The following DBH variants were observed in gnomAD, a reference collection of about 807,000 sequenced individuals.
DBH encodes dopamine beta-hydroxylase (dopamine beta-monooxygenase).
Under a neutral mutation model 64.0 loss-of-function variants are expected in DBH, and 49 were observed. The observed-to-expected ratio is 0.77, with a 90% CI of 0.61 to 0.97. The LOEUF is 0.97. DBH is among the 50% of genes least tolerant of loss of function. The pLI is 0.00. For missense variants in DBH, 828 were observed against 826.6 expected (o/e 1.00, Z -0.02); for synonymous variants, 343 against 347.1 (o/e 0.99, Z 0.13).
At chr9:133,652,560 G>A (rs986083955) in intron 8 of DBH, among the ~76,000 whole-genome samples, 2 of 152,274 alleles carry the variant, frequency 1.3e-5, no homozygotes, top group Non-Finnish European at 1.5e-5. Context: ...CCACAAACCC[G>A]AGAGTGTTTG....
chr9:133,657,479 GGAGAGA>G (rs1832347406), intron 11 of DBH, among the ~76,000 whole-genome samples: 1 of 144,854 alleles, frequency 6.9e-6, no homozygotes, highest in East Asian at 2.0e-4. Context: ...AGAGGGAGAG[GGAGAGA>G]GGAGAGAGAG....
Position 133,636,388 on chromosome 9 carries a change from G to C in DBH, c.17G>C (p.Arg6Pro). 1.9e-6 allele frequency: 3 copies of C among 1,610,080 alleles called. No homozygotes were observed. The highest frequency in any genetic ancestry group is 2.5e-6 in the Non-Finnish European group (3 of 1,179,952). MPALS[R>P]WASLPGPSMR... ...ACCCCAGCCATGCCCGCCCTCAGTCGCTGGGCCAGCCTGCCCGGCCCCAGC... is the reference window on the plus strand; with the variant it reads ...ACCCCAGCCATGCCCGCCCTCAGTCCCTGGGCCAGCCTGCCCGGCCCCAGC... The change falls in exon 1 of 12, where the codon CGC becomes CCC. Residue 6 changes from arginine to proline, a missense_variant. Transcript: ENST00000393056.
Position 133,643,654 on chromosome 9 carries a change from T to C in DBH, c.921+65T>C, listed in dbSNP as rs1377982531. The C allele has an allele frequency of 6.4e-7, 1 of 1,574,192 alleles. No individual in the cohort carries two copies. Among genetic ancestry groups the C allele is most frequent in the Non-Finnish European group, 8.7e-7 (1 of 1,151,450 alleles). On this transcript the variant is annotated intron_variant, in intron 4 of 11. Transcript: ENST00000393056. The surrounding 1 kb of genome is among the most constrained non-coding windows in gnomAD (Gnocchi z 5.3). ...GGCCCCTGGCATCCCCACACCTCTGTTTCCCCAGCTTCACCGTCTCAGAGG... is the reference window on the plus strand; with the variant it reads ...GGCCCCTGGCATCCCCACACCTCTGCTTCCCCAGCTTCACCGTCTCAGAGG...
chr9:133,642,230 C>A lies in DBH; in HGVS notation c.510C>A (p.Tyr170Ter), dbSNP rs781378927. 2 of 1,613,560 alleles carry A rather than the reference C, an allele frequency of 1.2e-6. No homozygotes were observed. Among genetic ancestry groups the A allele is most frequent in the Non-Finnish European group, 1.7e-6 (2 of 1,179,990 alleles). ...LIEDGTVHLV[Y>*]GILEEPFRSL... ...AGGACGGCACTGTCCACTTGGTCTA[C>A]GGGATCCTGGAGGAGCCGTTCCGGT... Residue 170 changes from tyrosine (Y) to a stop codon, truncating the protein, a stop_gained, in exon 3 of 12, where the codon TAC becomes TAA. Coordinates refer to ENST00000393056, the MANE Select transcript of DBH (RefSeq NM_000787.4). LOFTEE classifies it high-confidence loss of function.
chr9:133,657,473 G>A (rs1287162467), intron 11 of DBH, among the ~76,000 whole-genome samples: 2 of 144,152 alleles, frequency 1.4e-5, no homozygotes, highest in South Asian at 2.2e-4. Flanking sequence ...AGGGAGAGAG[G>A]GAGAGGGAGA....
intron 6 of DBH, among the ~76,000 whole-genome samples, chr9:133,650,824 A>C (rs1282911324): frequency 6.6e-6 from 1 of 152,196 alleles, no homozygotes; most frequent in African/African-American, 2.4e-5. Context: ...CTGGGATTAC[A>C]AGCATGAGCC....
intron 5 of DBH, among the ~76,000 whole-genome samples, chr9:133,645,299 T>G (rs965468913): frequency 1.3e-5 from 2 of 151,720 alleles, no homozygotes; most frequent in Non-Finnish European, 2.9e-5. Flanking sequence ...TGGAGTTATC[T>G]CCACATGCAC....
intron 5 of DBH, among the ~76,000 whole-genome samples, chr9:133,645,651 A>AG (rs1832173218): frequency 6.6e-6 from 1 of 152,096 alleles, no homozygotes; most frequent in Admixed American, 6.5e-5. Flanking sequence ...TGGATGGTGT[A>AG]GGGGTGTCGA....
At chr9:133,649,418 G>A (rs1425900407) in intron 6 of DBH, among the ~76,000 whole-genome samples, 2 of 152,234 alleles carry the variant, frequency 1.3e-5, no homozygotes, top group African/African-American at 4.8e-5. Context: ...CACGCAGAGT[G>A]AAGATTCAAA....
intron 6 of DBH, 108 bp from the exon 7 acceptor site, chr9:133,651,526 C>A: frequency 7.1e-7 from 1 of 1,411,462 alleles, no homozygotes; most frequent in Non-Finnish European, 9.9e-7. Flanking sequence ...GCAAGTGTTC[C>A]AGGGAAGCAA....
chr9:133,638,086 G>A (rs754802641), intron 1 of DBH, among the ~76,000 whole-genome samples: 6 of 152,360 alleles, frequency 3.9e-5, no homozygotes, highest in East Asian at 1.9e-4. Context: ...TGCATTTCCC[G>A]GCTGCTAGGG....
At chr9:133,646,815 G>C (rs761206493) in intron 5 of DBH, among the ~76,000 whole-genome samples, 1 of 152,156 alleles carries the variant, frequency 6.6e-6, no homozygotes, top group Admixed American at 6.5e-5. Context: ...GTGAGCCACC[G>C]TGCCCGGCCC....
intron 10 of DBH, 132 bp from the exon 11 acceptor site, chr9:133,656,938 G>A (rs1489919770): frequency 3.6e-6 from 4 of 1,107,100 alleles, no homozygotes; most frequent in East Asian, 5.0e-5. Context: ...CGGAGGCAGC[G>A]GGGCTGGGGA....
rs868767774 is a variant in DBH, at chr9:133,650,513, C to T, written c.1192-1121C>T. Among the ~76,000 whole-genome samples the T allele has an allele frequency of 3.1e-3, 249 of 81,168 alleles. 1 individual carries two copies. The highest frequency in any genetic ancestry group is 0.01 in the African/African-American group (218 of 21,110). The allele number at this position is 81,168 out of a possible 152,430, so 53.2% of individuals were successfully genotyped here. ...TTCTTTTCTTTCCTTTCTTTCTTTCCTTCCTTCCTTCCTTCTCTTTTCTTT... is the reference window on the plus strand; with the variant it reads ...TTCTTTTCTTTCCTTTCTTTCTTTCTTTCCTTCCTTCCTTCTCTTTTCTTT... On this transcript the variant is annotated intron_variant, in intron 6 of 11. Transcript: ENST00000393056.
intron 5 of DBH, among the ~76,000 whole-genome samples, chr9:133,646,970 A>C (rs1261900776): frequency 1.3e-5 from 2 of 152,190 alleles, no homozygotes; most frequent in East Asian, 1.9e-4. Context: ...TGACTCGAAG[A>C]AGCACCATGT....
At chr9:133,644,088 G>A (rs1016264747) in intron 4 of DBH, 130 bp from the exon 5 acceptor site, 14 of 765,814 alleles carry the variant, frequency 1.8e-5, no homozygotes, top group East Asian at 1.5e-4. Context: ...AGGAAGCATC[G>A]CTCTAATCCT....
At chr9:133,642,582 A>C in intron 3 of DBH, 118 bp downstream of exon 3, 1 of 1,298,356 alleles carries the variant, frequency 7.7e-7, no homozygotes, top group Non-Finnish European at 1.1e-6. Flanking sequence ...TCCTCTTATC[A>C]CTGGAACCTC....
chr9:133,656,342 T>C lies in DBH; in HGVS notation c.1435-181T>C, dbSNP rs1384391524. The stretch of plus-strand genomic sequence containing the variant: ...CTGGTTGACTCACTCACTCACTGCC[T>C]GTCTCTCCTGCCAATGGTGGCAATT... On this transcript the variant is annotated intron_variant, in intron 9 of 11. Coordinates refer to ENST00000393056, the MANE Select transcript of DBH (RefSeq NM_000787.4). The C allele has an allele frequency of 4.2e-6, 3 of 718,594 alleles. No individual in the cohort carries two copies. In the African/African-American group the frequency reaches 5.2e-5, roughly 13 times the overall value. 44.5% of individuals were successfully genotyped at this position (718,594 alleles called of 1,614,324 possible). A position where few individuals can be genotyped will look rare whatever the true frequency, so the allele number is the denominator to read the frequency against.
Position 133,636,507 on chromosome 9 carries a change from C to G in DBH, c.136C>G (p.Pro46Ala), listed in dbSNP as rs1028535785. 2.5e-6 allele frequency: 4 copies of G among 1,613,284 alleles called. No homozygotes were observed. Among genetic ancestry groups the G allele is most frequent in the East Asian group, 2.2e-5 (1 of 44,880 alleles). ...ALQGSAPRES[P>A]LPYHIPLDPE... The stretch of plus-strand genomic sequence containing the variant: ...GCAGGGCTCGGCTCCCCGTGAGAGC[C>G]CCCTCCCCTATCACATCCCCCTGGA... Residue 46 changes from proline (P) to alanine (A), a missense_variant, in exon 1 of 12, where the codon CCC (proline) becomes GCC (alanine). Coordinates refer to ENST00000393056, the MANE Select transcript of DBH (RefSeq NM_000787.4).
Sources: gnomAD v4.1 joint callset for allele counts (sites outside exome capture counted in the v4.1 genomes callset) on GRCh38, gnomAD v4.1.1 for gene constraint, Gnocchi (gnomAD v3.1) non-coding constraint, MANE v1.5 for transcripts, NCBI Gene and HGNC (gene_info 2026-07-23, HGNC 2026-07-21) for gene names.